SGSM1: variants seen among roughly 807,000 people sequenced by gnomAD.
The protein encoded by SGSM1 is small G protein signaling modulator 1.
In SGSM1, 73 loss-of-function variants were observed where a neutral mutation model predicts 133.8. The observed-to-expected ratio is 0.55, with a 90% confidence interval of 0.45 to 0.66. SGSM1 has a LOEUF of 0.66. Among genes scored for constraint, SGSM1 ranks in the 30% least tolerant of loss-of-function variants. The pLI, the probability that SGSM1 is intolerant of heterozygous loss-of-function variation, is 0.00. For synonymous variants in SGSM1, 563 were observed against 573.0 expected (o/e 0.98, Z 0.25); for missense variants, 1,213 against 1,448.1 (o/e 0.84, Z 2.64).
At chr22:24,825,564 G>A (rs1198901413) in intron 2 of SGSM1, among the ~76,000 whole-genome samples, 1 of 152,048 alleles carries the variant, frequency 6.6e-6, no homozygotes, top group Non-Finnish European at 1.5e-5. Context: ...CTAGTAGCTG[G>A]GATTACAGGC....
intron 9 of SGSM1, among the ~76,000 whole-genome samples, chr22:24,860,917 AAAAAAAT>A (rs1203009068): frequency 8.5e-5 from 9 of 105,376 alleles, no homozygotes; most frequent in African/African-American, 4.1e-4. Context: ...AAAAAAAAAA[AAAAAAAT>A]ATATATATAT....
At chr22:24,919,651 A>C (rs1933937107) in intron 23 of SGSM1, among the ~76,000 whole-genome samples, 175 bp from the exon 24 acceptor site, 1 of 152,210 alleles carries the variant, frequency 6.6e-6, no homozygotes, top group East Asian at 1.9e-4. Context: ...CTGGTGGTCA[A>C]ATGACAGAGC....
intron 12 of SGSM1, chr22:24,874,300 G>A: frequency 9.3e-7 from 1 of 1,075,258 alleles, no homozygotes; most frequent in South Asian, 1.7e-5. Context: ...GGAGCTGTGT[G>A]GAGCCGGGAA....
rs770322594 is a variant in SGSM1 at position 24,868,719 on chromosome 22, G to A, written c.1159-4G>A. ...GGACCTTGTTTTGGGACATGTTTTT[G>A]CAGGGCAAAGTGTTTCCTAAACTGC... On this transcript the variant is annotated splice_region_variant and splice_polypyrimidine_tract_variant and intron_variant, in intron 11 of 24. Transcript: ENST00000400358. The A allele has an allele frequency of 2.5e-6, 4 of 1,613,404 alleles. No individual in the cohort carries two copies. Among genetic ancestry groups the A allele is most frequent in the Non-Finnish European group, 3.4e-6 (4 of 1,179,684 alleles).
chr22:24,856,039 A>C (rs552652670), intron 8 of SGSM1: 1 of 417,242 alleles, frequency 2.4e-6, no homozygotes, highest in Non-Finnish European at 4.7e-6. Context: ...CCATCCATCC[A>C]TCCCTCCATC....
intron 12 of SGSM1, 127 bp from the exon 13 acceptor site, chr22:24,876,450 C>T: frequency 8.1e-7 from 1 of 1,239,798 alleles, no homozygotes; most frequent in South Asian, 1.4e-5. Context: ...CTACTGTCAT[C>T]TTCAGGGTCT....
At chr22:24,846,824 T>A (rs1188833938) in intron 3 of SGSM1, among the ~76,000 whole-genome samples, 1 of 152,072 alleles carries the variant, frequency 6.6e-6, no homozygotes, top group Non-Finnish European at 1.5e-5. Flanking sequence ...ATATTTGTTT[T>A]TTTGTTTGTT....
Position 24,876,630 on chromosome 22 carries a change from C to G in SGSM1, c.1345C>G (p.Pro449Ala). 6.2e-7 allele frequency: 1 copy of G among 1,614,020 alleles called. No homozygotes were observed. The highest frequency in any genetic ancestry group is 8.5e-7 in the Non-Finnish European group (1 of 1,179,892). The change falls in exon 13 of 25, where the codon CCC becomes GCC. Residue 449 changes from proline (P) to alanine (A), a missense_variant. Physicochemically the swap from Pro to Ala is conservative, Grantham distance 27. Coordinates refer to ENST00000400358, the MANE Select transcript of SGSM1 (RefSeq NM_001098497.3). ...AAGCAACCTCCCATCCCTGTGGCAG[C>G]CCAGTCCCCGGAAGTCCTCCTGTTC... ...SVSNLPSLWQ[P>A]SPRKSSCSSC...
rs144128015 is a variant in SGSM1 at position 24,835,440 on chromosome 22, C to T, written c.64-9457C>T. ...AGGATGAATTCCTGACCTCATAGAG[C>T]GTAGAGGCCATTACGTCAGAGAGTT... On this transcript the variant is annotated intron_variant, in intron 2 of 24. Transcript: ENST00000400358. Among the ~76,000 whole-genome samples the T allele has an allele frequency of 2.1e-4, 32 of 152,068 alleles. No homozygotes were observed. In the East Asian group the frequency reaches 6.2e-3, roughly 29 times the overall value.
At chr22:24,869,469 C>A (rs1389446053) in intron 12 of SGSM1, among the ~76,000 whole-genome samples, 1 of 152,012 alleles carries the variant, frequency 6.6e-6, no homozygotes, top group African/African-American at 2.4e-5. Context: ...TGCAGTAAGC[C>A]GTGATTATGT....
At position 24,886,661 on chromosome 22, in the gene SGSM1, G is replaced by A. The variant is rs868173223; in HGVS notation, c.1703G>A (p.Arg568His). 3 of 1,564,134 alleles carry A rather than the reference G, an allele frequency of 1.9e-6. No individual in the cohort carries two copies. Among genetic ancestry groups the A allele is most frequent in the Non-Finnish European group, 1.7e-6 (2 of 1,154,584 alleles). ...IYYGGIQPEIRKAVWPFLLGH... is the reference protein window; with the variant it reads ...IYYGGIQPEIHKAVWPFLLGH... ...TACGGGGGCATCCAGCCTGAGATCC[G>A]CAAGGCCGTGTGGCCCTTCCTCCTG... Residue 568 changes from arginine (R) to histidine (H), a missense_variant, in exon 16 of 25, where the codon CGC becomes CAC. Coordinates refer to ENST00000400358, the MANE Select transcript of SGSM1 (RefSeq NM_001098497.3).
intron 13 of SGSM1, among the ~76,000 whole-genome samples, chr22:24,878,287 C>T (rs1315010646): frequency 6.6e-6 from 1 of 152,178 alleles, no homozygotes; most frequent in Non-Finnish European, 1.5e-5. Flanking sequence ...GTGAGAAAGG[C>T]TGCTATAACC....
intron 2 of SGSM1, among the ~76,000 whole-genome samples, chr22:24,812,167 C>A (rs1927782611): frequency 9.5e-6 from 1 of 104,716 alleles, no homozygotes; most frequent in Admixed American, 1.1e-4. Context: ...AAGACTCCGT[C>A]TCAAAAAAAG....
At chr22:24,923,465 CT>C (rs897984216) in intron 24 of SGSM1, among the ~76,000 whole-genome samples, 2 of 151,788 alleles carry the variant, frequency 1.3e-5, no homozygotes, top group African/African-American at 4.8e-5. Flanking sequence ...TTATTTTTTT[CT>C]TTGGTTTTTT....
chr22:24,880,780 C>T (rs1223600278), intron 14 of SGSM1, among the ~76,000 whole-genome samples: 1 of 152,198 alleles, frequency 6.6e-6, no homozygotes, highest in African/African-American at 2.4e-5. Flanking sequence ...TGTGGCTCAT[C>T]CCTAATGGTG....
At chr22:24,822,380 C>A (rs1205007725) in intron 2 of SGSM1, among the ~76,000 whole-genome samples, 1 of 152,162 alleles carries the variant, frequency 6.6e-6, no homozygotes, top group Non-Finnish European at 1.5e-5. Flanking sequence ...GCGTGAGCCA[C>A]CGCGCCTGGT....
intron 14 of SGSM1, among the ~76,000 whole-genome samples, chr22:24,881,192 CAAAAAA>C (rs757336427): frequency 1.8e-5 from 1 of 54,354 alleles, no homozygotes; most frequent in Non-Finnish European, 4.0e-5. Flanking sequence ...GACTCCGTCT[CAAAAAA>C]AAAAAAAAAA....
intron 19 of SGSM1, among the ~76,000 whole-genome samples, 158 bp downstream of exon 19, chr22:24,898,717 GA>G (rs998092250): frequency 8.5e-5 from 13 of 152,170 alleles, no homozygotes; most frequent in African/African-American, 3.1e-4. Flanking sequence ...CCATTTGGGA[GA>G]GAAGATAACG....
chr22:24,855,252 G>A, intron 6 of SGSM1, 33 bp from the exon 7 acceptor site: 2 of 1,593,684 alleles, frequency 1.3e-6, no homozygotes, highest in Non-Finnish European at 1.7e-6. Context: ...ACTTTCCGGG[G>A]CAGTGGGTTT....
Sources: allele counts gnomAD v4.1 joint callset (sites outside exome capture counted in the v4.1 genomes callset), GRCh38; gene constraint gnomAD v4.1.1; transcripts MANE v1.5; gene names NCBI Gene and HGNC (gene_info 2026-07-23, HGNC 2026-07-21).